Variants in QRSL1 observed in about 807,000 individuals in gnomAD.
QRSL1 encodes glutamyl-tRNA(Gln) amidotransferase subunit A, mitochondrial.
A neutral mutation model predicts 61.6 loss-of-function variants in QRSL1; 54 were observed. That is an observed-to-expected ratio of 0.88 (90% CI 0.70 to 1.10). The LOEUF (loss-of-function observed/expected upper bound fraction) is 1.10, where lower values mean the gene tolerates loss of function less well. Among genes scored for constraint, QRSL1 ranks in the 50% least tolerant of loss-of-function variants. The pLI is 0.00. For synonymous variants in QRSL1, 228 were observed against 225.7 expected (o/e 1.01, Z -0.09); for missense variants, 505 against 622.6 (o/e 0.81, Z 2.01).
Position 106,655,621 on chromosome 6 carries a change from G to T in QRSL1, c.1049G>T (p.Arg350Ile). The part of the protein sequence containing the change: ...ARFDGLQYGH[R>I]CDIDVSTEAM... ...ACCCTTTTCTTGTTTTCAGGTCACA[G>T]ATGTGACATTGATGTGTCCACTGAA... The change falls in exon 9 of 11, where the codon AGA becomes ATA. Residue 350 changes from arginine to isoleucine, a missense_variant. Physicochemically the swap from Arg to Ile is moderately conservative, Grantham distance 97 (BLOSUM62 -3). Coordinates refer to ENST00000369046, the MANE Select transcript of QRSL1 (RefSeq NM_018292.5). The T allele has an allele frequency of 6.2e-7, 1 of 1,601,470 alleles. No homozygotes were observed. Among genetic ancestry groups the T allele is most frequent in the Non-Finnish European group, 8.5e-7 (1 of 1,170,092 alleles).
chr6:106,662,793 T>C (rs1172215478), intron 9 of QRSL1, among the ~76,000 whole-genome samples, 187 bp from the exon 10 acceptor site: 1 of 152,064 alleles, frequency 6.6e-6, no homozygotes, highest in Non-Finnish European at 1.5e-5. Flanking sequence ...AAAACACTCC[T>C]CTCTCATATA....
Position 106,655,562 on chromosome 6 carries a change from C to T in QRSL1, c.1043-53C>T, listed in dbSNP as rs1239327633. ...AATCTAGGCCTGATTTTAGCCAAAA[C>T]TTTACTGACTTTACTTCCTTTCAAG... On this transcript the variant is annotated intron_variant, in intron 8 of 10. Transcript: ENST00000369046. 6.1e-6 allele frequency: 6 copies of T among 982,760 alleles called. No individual in the cohort carries two copies. The East Asian group carries it at 1.8e-4, about 29-fold the overall frequency. The allele number at this position is 982,760 out of a possible 1,614,324, so 60.9% of individuals were successfully genotyped here.
rs79060904 is a variant in QRSL1, at chr6:106,659,964, C to T, written c.1161-3016C>T. 8.0e-3 allele frequency among the ~76,000 whole-genome samples: 1,226 copies of T among 152,308 alleles called. 12 individuals are homozygous for T. Among genetic ancestry groups the T allele is most frequent in the African/African-American group, 0.028 (1,162 of 41,556 alleles). On this transcript the variant is annotated intron_variant, in intron 9 of 10. Transcript: ENST00000369046. Reference sequence around the variant, plus strand: ...CATGCACTCATAGATCAGTACTCAGCCAGAGACTCAAGGAATCTCCCTGCA... The same window carrying T: ...CATGCACTCATAGATCAGTACTCAGTCAGAGACTCAAGGAATCTCCCTGCA...
chr6:106,652,184 A>G lies in QRSL1; in HGVS notation c.558-25A>G, dbSNP rs1282511463. ...ATAATTAGAGATATATCATTCTTCT[A>G]AAGATAATTCCATTTAAATTCCAGG... On this transcript the variant is annotated intron_variant, in intron 5 of 10. Coordinates refer to ENST00000369046, the MANE Select transcript of QRSL1 (RefSeq NM_018292.5). 4 of 1,580,470 alleles carry G rather than the reference A, an allele frequency of 2.5e-6. No homozygotes were observed. The Admixed American group carries it at 5.3e-5, about 21-fold the overall frequency.
chr6:106,657,683 A>G lies in QRSL1; in HGVS notation c.1160+1951A>G, dbSNP rs183803872. 1.2e-4 allele frequency among the ~76,000 whole-genome samples: 18 copies of G among 152,294 alleles called. No individual in the cohort carries two copies. In the East Asian group the frequency reaches 3.5e-3, roughly 29 times the overall value. On this transcript the variant is annotated intron_variant, in intron 9 of 10. Transcript: ENST00000369046. ...TCGGAATACTTTTTTTATTTTAAAA[A>G]GTCAACTTATGTGCCAGGAAGAGTT...
intron 4 of QRSL1, among the ~76,000 whole-genome samples, chr6:106,647,044 A>G (rs1777117954): frequency 7.0e-6 from 1 of 142,808 alleles, no homozygotes; most frequent in African/African-American, 2.6e-5. Context: ...AAAAAAAAAA[A>G]AAAAAAAAAA....
Position 106,646,885 on chromosome 6 carries a change from G to A in QRSL1, c.381-2140G>A, listed in dbSNP as rs1404001942. Among the ~76,000 whole-genome samples the A allele has an allele frequency of 3.3e-5, 5 of 151,658 alleles. 1 individual carries two copies. The highest frequency in any genetic ancestry group is 6.6e-5 in the Admixed American group (1 of 15,208). ...CTACTAAAAATACAAAAAATTAGCC[G>A]GGCGTGGTGGCGAGCGCCTGTAGTC... On this transcript the variant is annotated intron_variant, in intron 4 of 10. Coordinates refer to ENST00000369046, the MANE Select transcript of QRSL1 (RefSeq NM_018292.5).
intron 5 of QRSL1, among the ~76,000 whole-genome samples, chr6:106,650,822 G>T (rs1439977173): frequency 6.6e-6 from 1 of 152,182 alleles, no homozygotes; most frequent in Non-Finnish European, 1.5e-5. Context: ...TATTGTGGGG[G>T]CTGTGATTCT....
chr6:106,634,449 G>T (rs952856234), intron 1 of QRSL1, among the ~76,000 whole-genome samples: 1 of 152,182 alleles, frequency 6.6e-6, no homozygotes, highest in African/African-American at 2.4e-5. Context: ...AAGGGACCAT[G>T]ATCTTTAGAA....
At chr6:106,640,738 C>G in intron 2 of QRSL1, 85 bp from the exon 3 acceptor site, 1 of 1,226,764 alleles carries the variant, frequency 8.2e-7, no homozygotes, top group Non-Finnish European at 1.2e-6. Context: ...TTGCCAAAAA[C>G]TAGTAGTTAC....
chr6:106,662,950 T>C, intron 9 of QRSL1, 30 bp from the exon 10 acceptor site: 1 of 1,526,580 alleles, frequency 6.6e-7, no homozygotes, highest in South Asian at 1.1e-5. Flanking sequence ...CAAAAAATCC[T>C]TAAAAACATC....
At chr6:106,641,328 G>T (rs918855110) in intron 3 of QRSL1, among the ~76,000 whole-genome samples, 2 of 152,114 alleles carry the variant, frequency 1.3e-5, no homozygotes, top group Non-Finnish European at 2.9e-5. Context: ...TACCATAAAC[G>T]TACTGTATAA....
At position 106,667,564 on chromosome 6, in the gene QRSL1, G is replaced by A. The variant is rs924783870; in HGVS notation, c.*1562G>A. The A allele has an allele frequency of 6.6e-6, 1 of 152,060 alleles. No homozygotes were observed. Among genetic ancestry groups the A allele is most frequent in the African/African-American group, 2.4e-5 (1 of 41,390 alleles). The allele number at this position is 152,060 out of a possible 1,614,324, so 9.4% of individuals were successfully genotyped here. On this transcript the variant is annotated 3_prime_UTR_variant, in exon 11 of 11. Coordinates refer to ENST00000369046, the MANE Select transcript of QRSL1 (RefSeq NM_018292.5). ...AAAAAAATTGTTTTCTAAATATGAC[G>A]TTCATGAAGAGAAAATAATGAGTCA...
At chr6:106,642,664 G>T in intron 3 of QRSL1, 1 of 770,944 alleles carries the variant, frequency 1.3e-6, no homozygotes, top group Non-Finnish European at 2.3e-6. Context: ...CCAGCATGCT[G>T]TTGGCATTGT....
intron 9 of QRSL1, among the ~76,000 whole-genome samples, chr6:106,660,424 G>A (rs2114717291): frequency 6.6e-6 from 1 of 151,460 alleles, no homozygotes; most frequent in East Asian, 2.0e-4. Flanking sequence ...TGGGCTCAAG[G>A]AATCCTACCC....
At chr6:106,649,235 C>T in intron 5 of QRSL1, 34 bp downstream of exon 5, 1 of 1,578,390 alleles carries the variant, frequency 6.3e-7, no homozygotes, top group African/African-American at 1.4e-5. Context: ...ATTTTAAAAC[C>T]CACCCAAATA....
At chr6:106,655,322 C>T (rs1777249882) in intron 8 of QRSL1, among the ~76,000 whole-genome samples, 1 of 151,998 alleles carries the variant, frequency 6.6e-6, no homozygotes, top group Admixed American at 6.6e-5. Flanking sequence ...CCATTAAGGG[C>T]AACTCCCTAA....
rs1226416497 is a variant in QRSL1, at chr6:106,629,998, G to A, written c.24+293G>A. 4.0e-5 allele frequency among the ~76,000 whole-genome samples: 6 copies of A among 151,610 alleles called. No individual in the cohort carries two copies. The East Asian group carries it at 1.2e-3, about 29-fold the overall frequency. On this transcript the variant is annotated intron_variant, in intron 1 of 10. Coordinates refer to ENST00000369046, the MANE Select transcript of QRSL1 (RefSeq NM_018292.5). ...CGGGATCCGGATGGTCTCGGAGTGGGCTTTGCCAAAGGGGGCTTGCGGGGC... is the reference window on the plus strand; with the variant it reads ...CGGGATCCGGATGGTCTCGGAGTGGACTTTGCCAAAGGGGGCTTGCGGGGC...
intron 9 of QRSL1, among the ~76,000 whole-genome samples, chr6:106,660,604 CT>C (rs77144657): frequency 0.011 from 1,542 of 142,534 alleles, 25 homozygotes; most frequent in Admixed American, 0.049. Context: ...TGTCTTAGTT[CT>C]TTTTTTTTTT....
Sources: gnomAD v4.1 joint callset for allele counts (sites outside exome capture counted in the v4.1 genomes callset) on GRCh38, gnomAD v4.1.1 for gene constraint, MANE v1.5 for transcripts, NCBI Gene and HGNC (gene_info 2026-07-23, HGNC 2026-07-21) for gene names.